Variants in BRINP1 observed in about 807,000 individuals in gnomAD.
BRINP1 encodes the protein BMP/retinoic acid-inducible neural-specific protein 1.
BRINP1 carries 17 observed loss-of-function variants against 72.9 expected under a neutral mutation model. The ratio of observed to expected loss-of-function variants is 0.23; its 90% CI spans 0.16 to 0.35. BRINP1 has a LOEUF of 0.35. Among genes scored for constraint, BRINP1 ranks in the 10% least tolerant of loss-of-function variants. The pLI, the probability that BRINP1 is intolerant of heterozygous loss-of-function variation, is 1.00. For synonymous variants in BRINP1, 418 were observed against 378.5 expected (o/e 1.10, Z -1.21); for missense variants, 850 against 1,001.6 (o/e 0.85, Z 2.04).
intron 2 of BRINP1, among the ~76,000 whole-genome samples, chr9:119,270,879 T>G (rs1325096988): frequency 1.4e-4 from 22 of 152,202 alleles, no homozygotes; most frequent in Admixed American, 1.4e-3. Flanking sequence ...GAATCTGAAC[T>G]AGAGACTGGT....
chr9:119,304,925 C>T (rs1337554651), intron 2 of BRINP1, among the ~76,000 whole-genome samples: 3 of 152,202 alleles, frequency 2.0e-5, no homozygotes, highest in Non-Finnish European at 2.9e-5. Context: ...ACTTTATATC[C>T]GTGCATGTCA....
At chr9:119,279,100 C>T (rs1324458332) in intron 2 of BRINP1, among the ~76,000 whole-genome samples, 1 of 152,170 alleles carries the variant, frequency 6.6e-6, no homozygotes, top group East Asian at 1.9e-4. Context: ...AAGTTGAGAA[C>T]TCTGATCTCC....
At chr9:119,296,351 C>T (rs1040071789) in intron 2 of BRINP1, among the ~76,000 whole-genome samples, 12 of 152,078 alleles carry the variant, frequency 7.9e-5, no homozygotes, top group East Asian at 3.9e-4. Context: ...TATTACCTTG[C>T]ACGTGTTAGA....
intron 5 of BRINP1, 117 bp from the exon 6 acceptor site, chr9:119,214,272 G>T (rs1829957463): frequency 2.7e-6 from 2 of 746,650 alleles, no homozygotes; most frequent in Non-Finnish European, 4.4e-6. Context: ...CTGTGTATTG[G>T]AACCAATATA....
intron 2 of BRINP1, among the ~76,000 whole-genome samples, chr9:119,262,481 A>C (rs764992364): frequency 6.6e-6 from 1 of 151,688 alleles, no homozygotes; most frequent in Admixed American, 6.6e-5. Context: ...AAAATAAAAA[A>C]ATAAAATAAA....
intron 2 of BRINP1, among the ~76,000 whole-genome samples, chr9:119,305,810 T>C (rs74555328): frequency 0.07 from 10,663 of 152,264 alleles, 1,303 homozygotes; most frequent in African/African-American, 0.24. Flanking sequence ...CATGAATTCC[T>C]TGAGGGAAGG....
chr9:119,171,689 GCACCA>G (rs757468836), intron 7 of BRINP1, among the ~76,000 whole-genome samples: 3 of 105,598 alleles, frequency 2.8e-5, no homozygotes, highest in African/African-American at 8.1e-5. Flanking sequence ...ATTTTTTTCA[GCACCA>G]CACCACACCT....
Position 119,249,278 on chromosome 9 carries a change from G to C in BRINP1, c.219-128C>G, listed in dbSNP as rs77277858. 11,031 of 787,680 alleles carry C rather than the reference G, an allele frequency of 0.014. 854 individuals are homozygous for C. In the African/African-American group the frequency reaches 0.17, roughly 12 times the overall value. The allele number at this position is 787,680 out of a possible 1,614,324, so 48.8% of individuals were successfully genotyped here. A position where few individuals can be genotyped will look rare whatever the true frequency, so the allele number is the denominator to read the frequency against. On this transcript the variant is annotated intron_variant, in intron 2 of 7. Transcript: ENST00000265922. ...TGCCTACAATTTTAATATGTGTCAA[G>C]TGATGCTTTGATCTGGAGCTTCCAA... is the stretch of plus-strand genomic sequence containing the variant.
intron 5 of BRINP1, among the ~76,000 whole-genome samples, chr9:119,235,018 G>A (rs1830181204): frequency 6.6e-6 from 1 of 151,856 alleles, no homozygotes; most frequent in Non-Finnish European, 1.5e-5. Flanking sequence ...TCGTCATAAT[G>A]CCTCCTAAGT....
chr9:119,341,255 T>C (rs1388481573), intron 1 of BRINP1, among the ~76,000 whole-genome samples: 3 of 152,210 alleles, frequency 2.0e-5, no homozygotes, highest in African/African-American at 7.2e-5. Context: ...ACAGCAGGCA[T>C]GGCTTTAAAT....
At chr9:119,229,282 A>C (rs1830124759) in intron 5 of BRINP1, among the ~76,000 whole-genome samples, 2 of 152,126 alleles carry the variant, frequency 1.3e-5, no homozygotes, top group African/African-American at 4.8e-5. Flanking sequence ...TGCAAGTAAC[A>C]CATTGATAGA....
chr9:119,343,758 A>G (rs898914290), intron 1 of BRINP1, among the ~76,000 whole-genome samples: 2 of 152,148 alleles, frequency 1.3e-5, no homozygotes, highest in African/African-American at 4.8e-5. Flanking sequence ...AGGAAGTATA[A>G]TGTATAATGT....
intron 2 of BRINP1, among the ~76,000 whole-genome samples, chr9:119,307,866 AG>A (rs1831015067): frequency 6.6e-6 from 1 of 152,234 alleles, no homozygotes. Flanking sequence ...TTCCATGTGC[AG>A]GTCTATATCA....
At chr9:119,241,721 C>T (rs1049039095) in intron 4 of BRINP1, among the ~76,000 whole-genome samples, 46 of 152,162 alleles carry the variant, frequency 3.0e-4, no homozygotes, top group Non-Finnish European at 1.8e-4. Flanking sequence ...AAATCATTTA[C>T]CTCTTCATAG....
intron 2 of BRINP1, among the ~76,000 whole-genome samples, chr9:119,296,639 A>C (rs536310288): frequency 6.6e-6 from 1 of 152,226 alleles, no homozygotes. Flanking sequence ...AGATGAATGG[A>C]CACACACACT....
At chr9:119,324,977 G>A (rs1418147176) in intron 1 of BRINP1, among the ~76,000 whole-genome samples, 1 of 152,072 alleles carries the variant, frequency 6.6e-6, no homozygotes, top group African/African-American at 2.4e-5. Flanking sequence ...GTGCATGCCT[G>A]TAATCCCAGC....
intron 1 of BRINP1, among the ~76,000 whole-genome samples, chr9:119,324,704 G>A (rs905348028): frequency 6.6e-6 from 1 of 152,196 alleles, no homozygotes; most frequent in Non-Finnish European, 1.5e-5. Context: ...AGCTAGTAAA[G>A]TTAATATGTG....
At chr9:119,275,364 C>G (rs559876810) in intron 2 of BRINP1, among the ~76,000 whole-genome samples, 130 of 152,266 alleles carry the variant, frequency 8.5e-4, no homozygotes, top group Middle Eastern at 3.4e-3. Context: ...TATGAACTTG[C>G]ACTTTTAAGG....
At chr9:119,355,130 A>C (rs949350589) in intron 1 of BRINP1, among the ~76,000 whole-genome samples, 1 of 152,200 alleles carries the variant, frequency 6.6e-6, no homozygotes, top group African/African-American at 2.4e-5. Flanking sequence ...CACATTCATT[A>C]AAGAAATATT....
Sources: gnomAD v4.1 joint callset for allele counts (sites outside exome capture counted in the v4.1 genomes callset) on GRCh38, gnomAD v4.1.1 for gene constraint, MANE v1.5 for transcripts, NCBI Gene and HGNC (gene_info 2026-07-23, HGNC 2026-07-21) for gene names.